Variants in HHAT observed in about 807,000 individuals in gnomAD.
HHAT encodes the protein protein-cysteine N-palmitoyltransferase HHAT.
HHAT carries 47 observed loss-of-function variants against 70.8 expected under a neutral mutation model. The ratio of observed to expected loss-of-function variants is 0.66; its 90% CI spans 0.53 to 0.85. The LOEUF (loss-of-function observed/expected upper bound fraction) is 0.85, where lower values mean the gene tolerates loss of function less well. Among genes scored for constraint, HHAT ranks in the 40% least tolerant of loss-of-function variants. HHAT has a pLI of 0.00. For missense variants in HHAT, 609 were observed against 604.8 expected, an observed-to-expected ratio of 1.01 and a Z score of -0.07; for synonymous variants, 228 against 247.6, an observed-to-expected ratio of 0.92 and a Z score of 0.74.
intron 6 of HHAT, among the ~76,000 whole-genome samples, chr1:210,416,285 C>T (rs191757820): frequency 1.9e-3 from 283 of 152,322 alleles, no homozygotes; most frequent in Non-Finnish European, 3.6e-3. Flanking sequence ...CGGAATGGGC[C>T]TTTATGTCAT....
At chr1:210,490,065 C>A (rs1245058822) in intron 8 of HHAT, among the ~76,000 whole-genome samples, 2 of 152,130 alleles carry the variant, frequency 1.3e-5, no homozygotes, top group Non-Finnish European at 2.9e-5. Flanking sequence ...AAAAAAGTAA[C>A]TGTAAAATTC....
At chr1:210,446,694 G>T (rs764756784) in intron 7 of HHAT, among the ~76,000 whole-genome samples, 5 of 152,214 alleles carry the variant, frequency 3.3e-5, no homozygotes, top group Non-Finnish European at 7.3e-5. Context: ...TTTATGAGCT[G>T]TTCCTTCATC....
Position 210,418,268 on chromosome 1 carries a change from A to G in HHAT, c.799A>G (p.Met267Val). The G allele has an allele frequency of 1.2e-6, 2 of 1,613,410 alleles. No homozygotes were observed. The highest frequency in any genetic ancestry group is 2.2e-5 in the East Asian group (1 of 44,840). ...CGAGCTGATGGCTCACCTGATGTACATGCATGCCATCTACAGCAGCATCCC... is the reference window on the plus strand; with the variant it reads ...CGAGCTGATGGCTCACCTGATGTACGTGCATGCCATCTACAGCAGCATCCC... ...LAELMAHLMY[M>V]HAIYSSIPLL... The change falls in exon 7 of 12, where the codon ATG becomes GTG. Residue 267 changes from methionine to valine, a missense_variant. Transcript: ENST00000261458.
chr1:210,535,842 A>G (rs1461408161), intron 9 of HHAT, among the ~76,000 whole-genome samples: 1 of 152,222 alleles, frequency 6.6e-6, no homozygotes, highest in East Asian at 1.9e-4. Flanking sequence ...ACCCACTACA[A>G]CACAAACATG....
At chr1:210,376,643 TC>T (rs2090244705) in intron 3 of HHAT, among the ~76,000 whole-genome samples, 1 of 152,164 alleles carries the variant, frequency 6.6e-6, no homozygotes, top group African/African-American at 2.4e-5. Context: ...ATTCCCAGTC[TC>T]CCAGGCCCCT....
Position 210,674,692 on chromosome 1 carries a change from C to T in HHAT, c.*313C>T, listed in dbSNP as rs115501471. ...AGAACCTAGTCTCATGAGCCCTTTG[C>T]ATTCTTTCCCCTTAAGCAAGAATAG... is the stretch of plus-strand genomic sequence containing the variant. On this transcript the variant is annotated 3_prime_UTR_variant, in exon 12 of 12. Coordinates refer to ENST00000261458, the MANE Select transcript of HHAT (RefSeq NM_018194.6). 0.025 allele frequency: 6,746 copies of T among 264,890 alleles called. 95 individuals are homozygous for T. The highest frequency in any genetic ancestry group is 0.039 in the Middle Eastern group (36 of 916). The allele number at this position is 264,890 out of a possible 1,614,324, so 16.4% of individuals were successfully genotyped here.
At chr1:210,423,318 T>C (rs1439655734) in intron 7 of HHAT, among the ~76,000 whole-genome samples, 2 of 152,210 alleles carry the variant, frequency 1.3e-5, no homozygotes, top group Admixed American at 6.5e-5. Context: ...ATTTCCCTCA[T>C]GATTAGTGAT....
intron 6 of HHAT, among the ~76,000 whole-genome samples, chr1:210,410,481 A>G (rs1432854840): frequency 2.0e-5 from 3 of 150,566 alleles, no homozygotes; most frequent in Non-Finnish European, 2.9e-5. Flanking sequence ...AAATAGAATG[A>G]AAGTTGGATT....
intron 3 of HHAT, among the ~76,000 whole-genome samples, chr1:210,370,002 T>C (rs2089397650): frequency 6.6e-6 from 1 of 152,020 alleles, no homozygotes; most frequent in Admixed American, 6.6e-5. Context: ...GGACTCTTTC[T>C]GGAGCCCTCT....
chr1:210,657,851 T>C (rs1437505758), intron 11 of HHAT, among the ~76,000 whole-genome samples: 1 of 152,024 alleles, frequency 6.6e-6, no homozygotes, highest in East Asian at 1.9e-4. Context: ...CTTCCACAAG[T>C]GTAGAGGATG....
chr1:210,523,865 A>G (rs1037127744), intron 9 of HHAT, among the ~76,000 whole-genome samples: 2 of 152,268 alleles, frequency 1.3e-5, no homozygotes, highest in African/African-American at 2.4e-5. Flanking sequence ...GGATCAAAGC[A>G]GTAACAAGAT....
chr1:210,374,564 C>G (rs770264444), intron 3 of HHAT, among the ~76,000 whole-genome samples: 6 of 152,170 alleles, frequency 3.9e-5, no homozygotes, highest in Non-Finnish European at 7.3e-5. Context: ...GAAGTAGAGG[C>G]CATGCTAGCT....
chr1:210,624,474 A>AT (rs1669467361), intron 11 of HHAT, among the ~76,000 whole-genome samples: 1 of 152,130 alleles, frequency 6.6e-6, no homozygotes, highest in South Asian at 2.1e-4. Flanking sequence ...CCTACTAGGA[A>AT]TTTGCCCTAG....
At chr1:210,515,360 G>C (rs1352187423) in intron 9 of HHAT, among the ~76,000 whole-genome samples, 4 of 152,148 alleles carry the variant, frequency 2.6e-5, no homozygotes, top group Non-Finnish European at 4.4e-5. Context: ...GTAAGGGGTA[G>C]GGGTGTTAAA....
intron 11 of HHAT, among the ~76,000 whole-genome samples, chr1:210,670,835 A>C (rs1250181365): frequency 6.6e-6 from 1 of 152,098 alleles, no homozygotes; most frequent in African/African-American, 2.4e-5. Flanking sequence ...ATCTTATTTT[A>C]TTTGCATGCT....
At chr1:210,524,440 G>T (rs1371906441) in intron 9 of HHAT, among the ~76,000 whole-genome samples, 2 of 152,092 alleles carry the variant, frequency 1.3e-5, no homozygotes, top group East Asian at 1.9e-4. Context: ...GCGAGGGCTG[G>T]ACTGTTCAAG....
chr1:210,581,097 T>A (rs1220478886), intron 9 of HHAT, among the ~76,000 whole-genome samples: 1 of 152,236 alleles, frequency 6.6e-6, no homozygotes, highest in Non-Finnish European at 1.5e-5. Context: ...CTTTCTTTCA[T>A]ATGTTTATTG....
intron 9 of HHAT, among the ~76,000 whole-genome samples, chr1:210,556,646 C>T (rs926860581): frequency 6.6e-6 from 1 of 152,184 alleles, no homozygotes; most frequent in Non-Finnish European, 1.5e-5. Flanking sequence ...CAGCTTCACT[C>T]TCTTGCCATG....
At chr1:210,520,512 C>G (rs1244611479) in intron 9 of HHAT, among the ~76,000 whole-genome samples, 1 of 144,812 alleles carries the variant, frequency 6.9e-6, no homozygotes, top group Non-Finnish European at 1.5e-5. Context: ...TTATCTTTCT[C>G]ATTTGTGTAT....
Sources: allele counts gnomAD v4.1 joint callset (sites outside exome capture counted in the v4.1 genomes callset), GRCh38; gene constraint gnomAD v4.1.1; transcripts MANE v1.5; gene names NCBI Gene and HGNC (gene_info 2026-07-23, HGNC 2026-07-21).